The following THAP6 variants were observed in gnomAD, a reference collection of about 807,000 sequenced individuals.
THAP6 encodes THAP domain-containing protein 6.
In THAP6, 13 loss-of-function variants were observed where a neutral mutation model predicts 20.0. That is an observed-to-expected ratio of 0.65 (90% CI 0.42 to 1.03). The LOEUF (loss-of-function observed/expected upper bound fraction) is 1.03. Among genes scored for constraint, THAP6 ranks in the 50% least tolerant of loss-of-function variants. The pLI, the probability that THAP6 is intolerant of heterozygous loss-of-function variation, is 0.00. For synonymous variants in THAP6, 93 were observed against 92.2 expected, an observed-to-expected ratio of 1.01 and a Z score of -0.05; for missense variants, 262 against 261.6, an observed-to-expected ratio of 1.00 and a Z score of -0.01.
downstream of THAP6, among the ~76,000 whole-genome samples, chr4:75,534,662 A>G (rs567795680): frequency 1.3e-5 from 2 of 152,320 alleles, no homozygotes; most frequent in African/African-American, 4.8e-5. Flanking sequence ...CAATCTACTC[A>G]TCTGACAAAG....
intron 3 of THAP6, chr4:75,542,574 C>A: frequency 1.6e-6 from 1 of 619,510 alleles, no homozygotes; most frequent in South Asian, 1.9e-5. Flanking sequence ...TATTATTATT[C>A]TCATTTTACA....
At chr4:75,521,487 T>C (rs1403646194) in intron 3 of THAP6, among the ~76,000 whole-genome samples, 2 of 152,112 alleles carry the variant, frequency 1.3e-5, no homozygotes, top group Non-Finnish European at 2.9e-5. Context: ...TTATTGTTAC[T>C]GTATATTATA....
Position 75,515,530 on chromosome 4 carries a change from C to A in THAP6, c.78C>A (p.His26Gln). ...CGAAGTTAAAAGGACTGACATTTCA[C>A]GTGTAAGATTTTGCTGTAGTTAAGC... Reference protein sequence around the residue: ...PNSKLKGLTFHVFPTDENIKR... With the variant: ...PNSKLKGLTFQVFPTDENIKR... Residue 26 changes from histidine (H) to glutamine (Q), a missense_variant and splice_region_variant, in exon 2 of 5, where the codon CAC (histidine) becomes CAA (glutamine). His to Gln is a conservative substitution (Grantham distance 24). Transcript: ENST00000311638. 1.2e-6 allele frequency: 2 copies of A among 1,613,326 alleles called. No homozygotes were observed. Among genetic ancestry groups the A allele is most frequent in the South Asian group, 2.2e-5 (2 of 91,070 alleles).
intron 2 of THAP6, chr4:75,542,380 C>A (rs1376346860): frequency 1.4e-6 from 1 of 699,372 alleles, no homozygotes; most frequent in South Asian, 1.5e-5. Context: ...TTCATAAATC[C>A]TCGTATTTCT....
chr4:75,513,963 G>A (rs1007728230), upstream of THAP6: 5 of 517,244 alleles, frequency 9.7e-6, no homozygotes, highest in Non-Finnish European at 1.3e-5. Flanking sequence ...CACTGTGCAA[G>A]CCTAATCACT....
chr4:75,524,593 G>A (rs1452785240), intron 4 of THAP6, among the ~76,000 whole-genome samples: 1 of 152,078 alleles, frequency 6.6e-6, no homozygotes, highest in Non-Finnish European at 1.5e-5. Context: ...AGTTTTGGGG[G>A]CGGGGGCAGT....
intron 3 of THAP6, among the ~76,000 whole-genome samples, chr4:75,520,081 G>T (rs550531970): frequency 1.3e-5 from 2 of 152,132 alleles, no homozygotes; most frequent in African/African-American, 4.8e-5. Flanking sequence ...GATGGCCAGT[G>T]ATGGTGAGCA....
In THAP6 at chr4:75,520,282, C is replaced by T. The variant is rs115256485; in HGVS notation, c.289-1454C>T. Among the ~76,000 whole-genome samples, 655 of 152,078 alleles carry T rather than the reference C, an allele frequency of 4.3e-3. 3 individuals carry two copies. Among genetic ancestry groups the T allele is most frequent in the African/African-American group, 0.015 (623 of 41,472 alleles). On this transcript the variant is annotated intron_variant, in intron 3 of 4. Coordinates refer to ENST00000311638, the MANE Select transcript of THAP6 (RefSeq NM_144721.6). ...AATTTTCTCCCATTTTGTAGGTTGC[C>T]GGGGCACATCTTTTGGTCCATTTAT...
chr4:75,514,618 C>T (rs1176606785), intron 1 of THAP6, 98 bp downstream of exon 1: 1 of 239,854 alleles, frequency 4.2e-6, no homozygotes, highest in Non-Finnish European at 8.2e-6. Context: ...CGCGGAGACG[C>T]TGGTTGGCCC....
downstream of THAP6, among the ~76,000 whole-genome samples, chr4:75,531,015 A>T (rs983836274): frequency 3.3e-5 from 5 of 152,198 alleles, no homozygotes; most frequent in African/African-American, 1.2e-4. Flanking sequence ...ATACACAAAA[A>T]TGAGTTAACA....
At chr4:75,543,334 C>A (rs142890317) in intron 3 of THAP6, among the ~76,000 whole-genome samples, 9 of 152,328 alleles carry the variant, frequency 5.9e-5, no homozygotes, top group African/African-American at 2.2e-4. Flanking sequence ...TTTTAGCAAA[C>A]CACTTGTGGC....
chr4:75,543,710 A>T (rs569095499), intron 3 of THAP6, among the ~76,000 whole-genome samples: 181 of 152,332 alleles, frequency 1.2e-3, no homozygotes, highest in African/African-American at 4.3e-3. Flanking sequence ...TCCTCAGAAG[A>T]ACTGGATAGG....
intron 2 of THAP6, among the ~76,000 whole-genome samples, chr4:75,541,190 C>T (rs984504386): frequency 5.3e-5 from 8 of 152,188 alleles, no homozygotes; most frequent in East Asian, 1.9e-4. Flanking sequence ...GTGAGGGCTA[C>T]GTGAGGACTG....
Position 75,529,305 on chromosome 4 carries a change from A to G in THAP6, c.*2091A>G. On this transcript the variant is annotated 3_prime_UTR_variant, in exon 5 of 5. Coordinates refer to ENST00000311638, the MANE Select transcript of THAP6 (RefSeq NM_144721.6). ...GCACTCTACTGGCTGCTTAGAATAC[A>G]CCAAACCTGGAAGACCTTTCCAAGA... The G allele has an allele frequency of 2.0e-6, 2 of 985,452 alleles. No individual in the cohort carries two copies. Among genetic ancestry groups the G allele is most frequent in the Non-Finnish European group, 2.4e-6 (2 of 829,950 alleles). The allele number at this position is 985,452 out of a possible 1,614,324, so 61.0% of individuals were successfully genotyped here.
At chr4:75,518,120 C>T (rs1448507199) in intron 3 of THAP6, among the ~76,000 whole-genome samples, 1 of 152,146 alleles carries the variant, frequency 6.6e-6, no homozygotes, top group African/African-American at 2.4e-5. Context: ...GAAAGTTGGT[C>T]TAGGGCTTTT....
chr4:75,516,653 T>C (rs1308148898), intron 2 of THAP6, 119 bp from the exon 3 acceptor site: 3 of 794,382 alleles, frequency 3.8e-6, no homozygotes, highest in East Asian at 2.7e-5. Context: ...ATATTATAAT[T>C]CTCAAGACTA....
upstream of THAP6, chr4:75,514,236 C>G (rs1276125319): frequency 7.4e-6 from 12 of 1,613,286 alleles, no homozygotes; most frequent in Non-Finnish European, 1.0e-5. Flanking sequence ...CGCAGCCCCG[C>G]TGACCTCGCT....
In THAP6 at chr4:75,521,855, C is replaced by G; in HGVS notation, c.408C>G (p.Phe136Leu). Reference sequence around the variant, plus strand: ...GTATTGAAGAATTCCAATCCCAGTTCATTTTTGTAAGTAAATTACTTGCTG... The same window carrying G: ...GTATTGAAGAATTCCAATCCCAGTTGATTTTTGTAAGTAAATTACTTGCTG... ...SSCIEEFQSQ[F>L]IFEHSYSVMD... Residue 136 changes from phenylalanine to leucine, a missense_variant, in exon 4 of 5, where the codon TTC becomes TTG. Coordinates refer to ENST00000311638, the MANE Select transcript of THAP6 (RefSeq NM_144721.6). 6.2e-7 allele frequency: 1 copy of G among 1,613,376 alleles called. No homozygotes were observed. The highest frequency in any genetic ancestry group is 8.5e-7 in the Non-Finnish European group (1 of 1,179,574).
At chr4:75,539,356 C>T (rs934064104) in intron 2 of THAP6, among the ~76,000 whole-genome samples, 46 of 152,150 alleles carry the variant, frequency 3.0e-4, no homozygotes, top group African/African-American at 1.1e-3. Context: ...ACATATACTG[C>T]TTTCGAAGCC....
Sources: allele counts gnomAD v4.1 joint callset (sites outside exome capture counted in the v4.1 genomes callset), GRCh38; gene constraint gnomAD v4.1.1; transcripts MANE v1.5; gene names NCBI Gene and HGNC (gene_info 2026-07-23, HGNC 2026-07-21).